Variants in SHOC1 observed in about 807,000 individuals in gnomAD.
SHOC1 encodes the protein protein shortage in chiasmata 1 ortholog.
SHOC1 carries 136 observed loss-of-function variants against 179.2 expected under a neutral mutation model. The observed-to-expected ratio is 0.76, with a 90% CI of 0.66 to 0.87. The LOEUF is 0.87. Among genes scored for constraint, SHOC1 ranks in the 40% least tolerant of loss-of-function variants. The pLI, the probability that SHOC1 is intolerant of heterozygous loss-of-function variation, is 0.00. For synonymous variants in SHOC1, 489 were observed against 586.6 expected, an observed-to-expected ratio of 0.83 and a Z score of 2.41; for missense variants, 1,538 against 1,700.8, an observed-to-expected ratio of 0.90 and a Z score of 1.68.
intron 3 of SHOC1, among the ~76,000 whole-genome samples, chr9:111,781,958 T>C (rs1452179623): frequency 6.6e-6 from 1 of 152,168 alleles, no homozygotes; most frequent in Non-Finnish European, 1.5e-5. Flanking sequence ...TACAAGAGTT[T>C]AGTGGTACTT....
intron 18 of SHOC1, among the ~76,000 whole-genome samples, chr9:111,710,906 G>A (rs1034798743): frequency 6.6e-6 from 1 of 152,094 alleles, no homozygotes; most frequent in African/African-American, 2.4e-5. Flanking sequence ...AGGAGATGAA[G>A]ATGGCAAAAG....
intron 5 of SHOC1, among the ~76,000 whole-genome samples, chr9:111,774,120 T>G (rs878955531): frequency 1.3e-5 from 2 of 152,160 alleles, no homozygotes; most frequent in Admixed American, 1.3e-4. Flanking sequence ...GTTTGCCACA[T>G]TTATACTACT....
chr9:111,736,000 G>A (rs996056569), intron 12 of SHOC1, among the ~76,000 whole-genome samples: 3 of 152,028 alleles, frequency 2.0e-5, no homozygotes, highest in African/African-American at 7.2e-5. Flanking sequence ...GAACATATTA[G>A]TGCATGTATG....
intron 12 of SHOC1, among the ~76,000 whole-genome samples, chr9:111,734,580 T>C (rs894526839): frequency 1.3e-5 from 2 of 152,178 alleles, no homozygotes; most frequent in African/African-American, 4.8e-5. Context: ...GTTCTTTTTA[T>C]AAGGAATATT....
intron 1 of SHOC1, among the ~76,000 whole-genome samples, chr9:111,794,215 C>T (rs538081866): frequency 2.0e-5 from 3 of 151,824 alleles, no homozygotes; most frequent in Admixed American, 6.6e-5. Context: ...TCCCACCTCT[C>T]CCCACCAGCC....
At chr9:111,723,654 T>C in intron 14 of SHOC1, 138 bp downstream of exon 14, 1 of 886,220 alleles carries the variant, frequency 1.1e-6, no homozygotes, top group Non-Finnish European at 1.7e-6. Flanking sequence ...GGATATAACT[T>C]GAAAGTAGGA....
Position 111,738,349 on chromosome 9 carries a change from G to T in SHOC1, c.1348C>A (p.His450Asn). 1 of 1,611,428 alleles carries T rather than the reference G, an allele frequency of 6.2e-7. No individual in the cohort carries two copies. Among genetic ancestry groups the T allele is most frequent in the Non-Finnish European group, 8.5e-7 (1 of 1,179,022 alleles). ...GTGTCATTAGAAGACAAATTATCAT[G>T]ACATAAATATGTATTCAGATGTTCC... is the stretch of plus-strand genomic sequence containing the variant. ...TLEHLNTYLC[H>N]DNLSSNDTKI... Residue 450 changes from histidine to asparagine, a missense_variant, in exon 12 of 28, where the codon CAT (histidine) becomes AAT (asparagine). Coordinates refer to ENST00000682961, the MANE Select transcript of SHOC1 (RefSeq NM_001378211.1).
chr9:111,762,560 A>G (rs1054162720), intron 5 of SHOC1, among the ~76,000 whole-genome samples: 1 of 152,188 alleles, frequency 6.6e-6, no homozygotes, highest in Non-Finnish European at 1.5e-5. Flanking sequence ...TAGTAAAACA[A>G]TTTATCTTTG....
intron 24 of SHOC1, among the ~76,000 whole-genome samples, chr9:111,694,696 A>G (rs555885561): frequency 1.1e-4 from 16 of 152,246 alleles, no homozygotes; most frequent in Admixed American, 4.6e-4. Flanking sequence ...TAGTAATATT[A>G]CTATTTTGCT....
At chr9:111,766,737 G>T (rs1835376137) in intron 5 of SHOC1, among the ~76,000 whole-genome samples, 1 of 152,134 alleles carries the variant, frequency 6.6e-6, no homozygotes, top group South Asian at 2.1e-4. Context: ...TCAGCCTCCA[G>T]AGTAGCTGGG....
chr9:111,757,637 A>G (rs1834928856), intron 7 of SHOC1, among the ~76,000 whole-genome samples: 1 of 152,236 alleles, frequency 6.6e-6, no homozygotes, highest in African/African-American at 2.4e-5. Flanking sequence ...ACTAAAATTC[A>G]GTCTTGGACC....
chr9:111,748,751 T>G (rs1424054444), intron 8 of SHOC1, among the ~76,000 whole-genome samples: 1 of 45,000 alleles, frequency 2.2e-5, no homozygotes, highest in Non-Finnish European at 4.2e-5. Flanking sequence ...CTTCCTTTTT[T>G]CCTTCCTTCC....
intron 12 of SHOC1, among the ~76,000 whole-genome samples, chr9:111,729,265 C>CTTTTAT (rs978163968): frequency 6.6e-5 from 10 of 152,210 alleles, no homozygotes; most frequent in Middle Eastern, 3.4e-3. Flanking sequence ...CCATGCCAGG[C>CTTTTAT]TTTTATTTTT....
At chr9:111,760,767 T>A (rs765182904) in intron 5 of SHOC1, among the ~76,000 whole-genome samples, 31 of 151,868 alleles carry the variant, frequency 2.0e-4, no homozygotes, top group African/African-American at 6.7e-4. Context: ...ATCATTTTTT[T>A]AAAAATTTGA....
chr9:111,700,453 G>A (rs1831917638), intron 23 of SHOC1, among the ~76,000 whole-genome samples: 1 of 152,168 alleles, frequency 6.6e-6, no homozygotes, highest in South Asian at 2.1e-4. Flanking sequence ...TCCCTAAACT[G>A]TTAGAAAATG....
At chr9:111,765,774 C>T (rs547374765) in intron 5 of SHOC1, among the ~76,000 whole-genome samples, 21 of 151,800 alleles carry the variant, frequency 1.4e-4, no homozygotes, top group Middle Eastern at 3.4e-3. Flanking sequence ...AGTGCAGTGG[C>T]ACGATCTCGG....
intron 14 of SHOC1, 89 bp from the exon 15 acceptor site, chr9:111,722,674 C>A (rs920527258): frequency 9.8e-7 from 1 of 1,016,478 alleles, no homozygotes; most frequent in Non-Finnish European, 1.4e-6. Context: ...TCGTGGAGAT[C>A]CGAACTTCTA....
At chr9:111,731,998 T>A in intron 12 of SHOC1, among the ~76,000 whole-genome samples, 1 of 151,782 alleles carries the variant, frequency 6.6e-6, no homozygotes, top group East Asian at 1.9e-4. Context: ...GCCTGTATTT[T>A]TAAAAAAAAA....
At chr9:111,704,565 A>G (rs1227362714) in intron 21 of SHOC1, among the ~76,000 whole-genome samples, 2 of 152,110 alleles carry the variant, frequency 1.3e-5, no homozygotes, top group Non-Finnish European at 2.9e-5. Flanking sequence ...TTATAAGCTC[A>G]TAGTTTCCTA....
Sources: gnomAD v4.1 joint callset for allele counts (sites outside exome capture counted in the v4.1 genomes callset) on GRCh38, gnomAD v4.1.1 for gene constraint, MANE v1.5 for transcripts, NCBI Gene and HGNC (gene_info 2026-07-23, HGNC 2026-07-21) for gene names.